The following PRPF3 variants were observed in gnomAD, a reference collection of about 807,000 sequenced individuals.
PRPF3 encodes pre-mRNA processing factor 3.
PRPF3 carries 3 observed loss-of-function variants against 89.2 expected under a neutral mutation model. The ratio of observed to expected loss-of-function variants is 0.03; its 90% CI spans 0.02 to 0.09. PRPF3 has a LOEUF of 0.09. Ranked by LOEUF, PRPF3 falls within the 10% of genes least tolerant of loss-of-function variation. The pLI is 1.00. For synonymous variants in PRPF3, 270 were observed against 289.1 expected, an observed-to-expected ratio of 0.93 and a Z score of 0.67; for missense variants, 463 against 828.8, an observed-to-expected ratio of 0.56 and a Z score of 5.42.
chr1:150,332,883 T>C lies in PRPF3; in HGVS notation c.508-96T>C. The C allele has an allele frequency of 5.4e-6, 8 of 1,487,834 alleles. No individual in the cohort carries two copies. In the South Asian group the frequency reaches 9.2e-5, roughly 17 times the overall value. The allele number at this position is 1,487,834 out of a possible 1,614,324, so 92.2% of individuals were successfully genotyped here. ...CATGTTTCACTTCATAATCATCTGC[T>C]ACAGTCTACCATGATGTGTGTGTAT... On this transcript the variant is annotated intron_variant, in intron 5 of 15. Transcript: ENST00000324862.
At chr1:150,327,023 T>C (rs1289051115) in intron 3 of PRPF3, among the ~76,000 whole-genome samples, 2 of 152,084 alleles carry the variant, frequency 1.3e-5, no homozygotes, top group Non-Finnish European at 2.9e-5. Flanking sequence ...TACACAGATC[T>C]GTACAGTGAA....
At chr1:150,340,308 G>A in intron 8 of PRPF3, 90 bp from the exon 9 acceptor site, 1 of 898,830 alleles carries the variant, frequency 1.1e-6, no homozygotes, top group South Asian at 1.4e-5. Flanking sequence ...CCATTATAGA[G>A]AGTGGGTTTT....
At chr1:150,326,360 C>A (rs1452351782) in intron 3 of PRPF3, among the ~76,000 whole-genome samples, 1 of 152,142 alleles carries the variant, frequency 6.6e-6, no homozygotes, top group Non-Finnish European at 1.5e-5. Context: ...TTCTTGAGAG[C>A]TTACCATTTG....
intron 6 of PRPF3, among the ~76,000 whole-genome samples, chr1:150,333,504 T>G (rs1020923089): frequency 6.6e-6 from 1 of 152,042 alleles, no homozygotes; most frequent in South Asian, 2.1e-4. Flanking sequence ...GAGGCAGAGG[T>G]TGCAGTGAGC....
At chr1:150,351,874 T>G (rs1375077658) in intron 15 of PRPF3, among the ~76,000 whole-genome samples, 1 of 151,964 alleles carries the variant, frequency 6.6e-6, no homozygotes, top group Non-Finnish European at 1.5e-5. Flanking sequence ...GAAGAGTACT[T>G]ACTGAAAAAG....
At chr1:150,349,766 A>T (rs1209375690) in intron 15 of PRPF3, among the ~76,000 whole-genome samples, 2 of 151,854 alleles carry the variant, frequency 1.3e-5, no homozygotes, top group African/African-American at 4.8e-5. Flanking sequence ...CAAGTGGAAT[A>T]TTTTTTATGG....
Position 150,334,981 on chromosome 1 carries a change from G to A in PRPF3, c.775G>A (p.Asp259Asn). Residue 259 changes from aspartate (D) to asparagine (N), a missense_variant, in exon 7 of 16, where the codon GAT (aspartate) becomes AAT (asparagine). Physicochemically the swap from Asp to Asn is conservative, Grantham distance 23. Coordinates refer to ENST00000324862, the MANE Select transcript of PRPF3 (RefSeq NM_004698.4). ...DQTKPTPLILDEQGRTVDATG... is the reference protein window; with the variant it reads ...DQTKPTPLILNEQGRTVDATG... The stretch of plus-strand genomic sequence containing the variant: ...AACGAAACCTACACCACTGATCCTG[G>A]ATGAGCAAGGGCGCACTGTAGATGC... 7 of 1,614,132 alleles carry A rather than the reference G, an allele frequency of 4.3e-6. No individual in the cohort carries two copies. Among genetic ancestry groups the A allele is most frequent in the Non-Finnish European group, 5.1e-6 (6 of 1,180,026 alleles).
chr1:150,347,709 C>A (rs1435632930), intron 14 of PRPF3, among the ~76,000 whole-genome samples: 1 of 150,078 alleles, frequency 6.7e-6, no homozygotes, highest in African/African-American at 2.5e-5. Context: ...GCCTAAGCGA[C>A]AGAGCAAGAC....
chr1:150,344,641 T>A, intron 12 of PRPF3, 94 bp downstream of exon 12: 1 of 1,295,946 alleles, frequency 7.7e-7, no homozygotes, highest in Non-Finnish European at 1.1e-6. Context: ...AAAGCATACC[T>A]AACACCAGTT....
At chr1:150,339,472 T>C (rs2794614) in intron 8 of PRPF3, among the ~76,000 whole-genome samples, 46,918 of 150,286 alleles carry the variant, frequency 0.31, 8,397 homozygotes, top group Non-Finnish European at 0.4. Flanking sequence ...GTTTCGCTCT[T>C]GTTGCCCAGG....
intron 15 of PRPF3, among the ~76,000 whole-genome samples, chr1:150,351,997 C>T (rs1553874490): frequency 6.6e-6 from 1 of 152,134 alleles, no homozygotes; most frequent in African/African-American, 2.4e-5. Context: ...TTGGAGTCTA[C>T]TCCCTGAACG....
rs373344914 is a variant in PRPF3, at chr1:150,340,400, C to T, written c.1205C>T (p.Thr402Ile). Residue 402 changes from threonine (T) to isoleucine (I), a missense_variant and splice_region_variant, in exon 9 of 16, where the codon ACA becomes ATA. Physicochemically the swap from Thr to Ile is moderately conservative, Grantham distance 89. Coordinates refer to ENST00000324862, the MANE Select transcript of PRPF3 (RefSeq NM_004698.4). Reference protein sequence around the residue: ...SYIIPNGFDLTEENPKREDYF... With the variant: ...SYIIPNGFDLIEENPKREDYF... ...TTCTTTTCTTCCTACAATTTTAGTA[C>T]AGAGGAAAATCCCAAGAGAGAAGAT... 5.0e-6 allele frequency: 8 copies of T among 1,589,700 alleles called. No individual in the cohort carries two copies. The South Asian group carries it at 7.7e-5, about 15-fold the overall frequency.
chr1:150,348,478 T>TTTTTTTTTTTTTTTTTTTTTTTTTTG (rs1553873625), intron 14 of PRPF3, among the ~76,000 whole-genome samples: 3 of 139,406 alleles, frequency 2.2e-5, no homozygotes, highest in Non-Finnish European at 3.1e-5. Flanking sequence ...TTTTTTTTTT[T>TTTTTTTTTTTTTTTTTTTTTTTTTTG]TGAGATGGAG....
intron 9 of PRPF3, among the ~76,000 whole-genome samples, chr1:150,341,744 C>T (rs1416632945): frequency 6.9e-6 from 1 of 144,742 alleles, no homozygotes; most frequent in Non-Finnish European, 1.5e-5. Flanking sequence ...CTTTTGTCAC[C>T]CAGGCTGGAG....
chr1:150,349,023 G>A lies in PRPF3; in HGVS notation c.1844-134G>A. The A allele has an allele frequency of 3.8e-6, 3 of 783,000 alleles. No individual in the cohort carries two copies. In the South Asian group the frequency reaches 4.4e-5, roughly 11 times the overall value. The allele number at this position is 783,000 out of a possible 1,614,324, so 48.5% of individuals were successfully genotyped here. A position where few individuals can be genotyped will look rare whatever the true frequency, so the allele number is the denominator to read the frequency against. Reference sequence around the variant, plus strand: ...AAGTCTAATTTGGGGAAAATAAAGAGCAACAGAAAAGAGAACACTTGGTCC... The same window carrying A: ...AAGTCTAATTTGGGGAAAATAAAGAACAACAGAAAAGAGAACACTTGGTCC... On this transcript the variant is annotated intron_variant, in intron 14 of 15. Coordinates refer to ENST00000324862, the MANE Select transcript of PRPF3 (RefSeq NM_004698.4).
intron 3 of PRPF3, among the ~76,000 whole-genome samples, chr1:150,326,435 C>G (rs1259499338): frequency 6.6e-6 from 1 of 152,128 alleles, no homozygotes; most frequent in Non-Finnish European, 1.5e-5. Context: ...TGTCAGTACC[C>G]CCTTAACTAC....
intron 8 of PRPF3, 29 bp from the exon 9 acceptor site, chr1:150,340,369 C>T (rs375881064): frequency 2.3e-5 from 33 of 1,454,220 alleles, no homozygotes; most frequent in Non-Finnish European, 3.2e-5. Flanking sequence ...ACCCGCATAT[C>T]GTGTTTTCTT....
At chr1:150,340,790 G>A (rs1374753221) in intron 9 of PRPF3, among the ~76,000 whole-genome samples, 1 of 151,972 alleles carries the variant, frequency 6.6e-6, no homozygotes, top group Non-Finnish European at 1.5e-5. Flanking sequence ...GACCAGTCTG[G>A]GCAACACAGT....
intron 1 of PRPF3, among the ~76,000 whole-genome samples, chr1:150,324,578 TCTTG>T: frequency 7.0e-6 from 1 of 143,344 alleles, no homozygotes; most frequent in South Asian, 2.2e-4. Flanking sequence ...GTAGAGAGAG[TCTTG>T]CTTTGTCGCC....
Sources: allele counts gnomAD v4.1 joint callset (sites outside exome capture counted in the v4.1 genomes callset), GRCh38; gene constraint gnomAD v4.1.1; transcripts MANE v1.5; gene names NCBI Gene and HGNC (gene_info 2026-07-23, HGNC 2026-07-21).